The following ACCSL variants were observed in gnomAD, a reference collection of about 807,000 sequenced individuals.
The protein encoded by ACCSL is probable inactive 1-aminocyclopropane-1-carboxylate synthase-like protein 2.
A neutral mutation model predicts 61.7 loss-of-function variants in ACCSL; 55 were observed. The observed-to-expected ratio is 0.89, with a 90% CI of 0.72 to 1.12. The LOEUF (loss-of-function observed/expected upper bound fraction) is 1.12. Among genes scored for constraint, ACCSL ranks in the 50% most tolerant of loss-of-function variants. The pLI, the probability that ACCSL is intolerant of heterozygous loss-of-function variation, is 0.00. For missense variants in ACCSL, 632 were observed against 698.0 expected, an observed-to-expected ratio of 0.91 and a Z score of 1.07; for synonymous variants, 258 against 264.3, an observed-to-expected ratio of 0.98 and a Z score of 0.23.
the ACCSL span, among the ~76,000 whole-genome samples, chr11:44,035,957 A>AAG: frequency 6.6e-6 from 1 of 151,392 alleles, no homozygotes; most frequent in Admixed American, 6.6e-5. Flanking sequence ...AAAAAAAAAA[A>AAG]AAAGAAAGAA....
the ACCSL span, among the ~76,000 whole-genome samples, chr11:44,003,597 C>A: frequency 4.6e-4 from 70 of 151,256 alleles, no homozygotes; most frequent in Non-Finnish European, 9.0e-4. Flanking sequence ...GAGCTGAGAT[C>A]GCGCCACTAC....
At chr11:44,012,675 A>G in the ACCSL span, among the ~76,000 whole-genome samples, 1 of 152,244 alleles carries the variant, frequency 6.6e-6, no homozygotes, top group Non-Finnish European at 1.5e-5. Context: ...TCTTCCAAGA[A>G]TCTATCTCAT....
the ACCSL span, chr11:43,925,209 G>A: frequency 1.1e-5 from 4 of 358,976 alleles, no homozygotes; most frequent in African/African-American, 4.2e-5. Context: ...GTGAACTCCC[G>A]TGCACATACT....
At chr11:44,000,321 C>T in the ACCSL span, among the ~76,000 whole-genome samples, 2 of 152,186 alleles carry the variant, frequency 1.3e-5, no homozygotes, top group East Asian at 1.9e-4. Context: ...GACAAGGTTT[C>T]GCCATGTTGG....
At chr11:43,939,896 C>G in the ACCSL span, among the ~76,000 whole-genome samples, 10 of 152,226 alleles carry the variant, frequency 6.6e-5, no homozygotes, top group African/African-American at 2.4e-4. Context: ...CATGAGCCAC[C>G]GTGCCTGGAC....
chr11:44,019,164 T>C, the ACCSL span, among the ~76,000 whole-genome samples: 1 of 152,240 alleles, frequency 6.6e-6, no homozygotes, highest in South Asian at 2.1e-4. Context: ...TATCACACTT[T>C]GTTTAATCAT....
chr11:44,051,747 TCA>T (rs760420722), intron 5 of ACCSL, 28 bp downstream of exon 5: 1 of 1,610,752 alleles, frequency 6.2e-7, no homozygotes, highest in South Asian at 1.1e-5. Context: ...CCTTTCACTC[TCA>T]GTGAAATACT....
the ACCSL span, among the ~76,000 whole-genome samples, chr11:43,981,362 C>G: frequency 6.6e-6 from 1 of 151,906 alleles, no homozygotes; most frequent in South Asian, 2.1e-4. Context: ...CAGAGAAGGC[C>G]CCAGGCAGAG....
chr11:43,964,453 A>G, the ACCSL span, among the ~76,000 whole-genome samples: 280 of 151,420 alleles, frequency 1.8e-3, 2 homozygotes, highest in African/African-American at 6.4e-3. Context: ...AAAAAAAAAA[A>G]GAAAGAAATG....
At chr11:44,025,371 T>G in the ACCSL span, among the ~76,000 whole-genome samples, 1 of 152,150 alleles carries the variant, frequency 6.6e-6, no homozygotes, top group African/African-American at 2.4e-5. Context: ...AATTAATACC[T>G]TAACTTAAAA....
the ACCSL span, among the ~76,000 whole-genome samples, chr11:43,995,960 A>T: frequency 6.6e-6 from 1 of 152,242 alleles, no homozygotes; most frequent in East Asian, 1.9e-4. Flanking sequence ...TAAAGTCATT[A>T]GGGTGGGCCC....
At chr11:44,051,488 G>A (rs1952638752) in intron 4 of ACCSL, 84 bp downstream of exon 4, 2 of 1,574,642 alleles carry the variant, frequency 1.3e-6, no homozygotes, top group Admixed American at 1.7e-5. Context: ...GGGGGTACAA[G>A]GAGAACCAGT....
At chr11:44,053,228 G>A (rs1414924495) in intron 7 of ACCSL, among the ~76,000 whole-genome samples, 160 bp downstream of exon 7, 6 of 152,124 alleles carry the variant, frequency 3.9e-5, no homozygotes, top group Non-Finnish European at 8.8e-5. Context: ...GTCCTGTGGG[G>A]ATGTTATGGC....
chr11:44,003,112 C>A, the ACCSL span, among the ~76,000 whole-genome samples: 1 of 151,968 alleles, frequency 6.6e-6, no homozygotes, highest in African/African-American at 2.4e-5. Flanking sequence ...TTATATTTTG[C>A]AGAAAAGTAA....
At chr11:44,009,123 A>G in the ACCSL span, among the ~76,000 whole-genome samples, 4 of 152,284 alleles carry the variant, frequency 2.6e-5, no homozygotes, top group South Asian at 8.3e-4. Flanking sequence ...AGCTGTGATC[A>G]TGGCACTGCA....
At chr11:44,039,283 T>C in the ACCSL span, among the ~76,000 whole-genome samples, 2 of 152,258 alleles carry the variant, frequency 1.3e-5, no homozygotes, top group Admixed American at 1.3e-4. Context: ...GAATCACCTG[T>C]CATGCTTGTT....
At chr11:43,980,957 A>G in the ACCSL span, among the ~76,000 whole-genome samples, 7 of 152,216 alleles carry the variant, frequency 4.6e-5, no homozygotes, top group Non-Finnish European at 7.3e-5. Context: ...GCATCACTGC[A>G]TGGCCTCCCT....
chr11:44,002,231 G>A, the ACCSL span, among the ~76,000 whole-genome samples: 2 of 152,058 alleles, frequency 1.3e-5, no homozygotes, highest in African/African-American at 4.8e-5. Context: ...GAGAAGGGGT[G>A]GGTTTGAGAG....
chr11:43,948,869 C>A, the ACCSL span, among the ~76,000 whole-genome samples: 2 of 152,178 alleles, frequency 1.3e-5, no homozygotes, highest in Admixed American at 1.3e-4. Flanking sequence ...AATCTATTGC[C>A]TTCTTTGACT....
Sources: allele counts gnomAD v4.1 joint callset (sites outside exome capture counted in the v4.1 genomes callset), GRCh38; gene constraint gnomAD v4.1.1; transcripts MANE v1.5; gene names NCBI Gene and HGNC (gene_info 2026-07-23, HGNC 2026-07-21).